The following CNKSR3 variants were observed in gnomAD, a reference collection of about 807,000 sequenced individuals.
CNKSR3 encodes connector enhancer of kinase suppressor of ras 3.
In CNKSR3, 36 loss-of-function variants were observed where a neutral mutation model predicts 67.7. The observed-to-expected ratio is 0.53, with a 90% CI of 0.41 to 0.70. The LOEUF (loss-of-function observed/expected upper bound fraction) is 0.70, where lower values mean the gene tolerates loss of function less well. Ranked by LOEUF, CNKSR3 falls within the 30% of genes least tolerant of loss-of-function variation. The probability of loss-of-function intolerance (pLI) is 0.00; values close to 1 mark genes in which losing one functional copy is unlikely to be tolerated. For missense variants in CNKSR3, 630 were observed against 695.2 expected (o/e 0.91, Z 1.05); for synonymous variants, 281 against 271.4 (o/e 1.04, Z -0.35).
At chr6:154,454,903 G>A (rs1363711597) in intron 1 of CNKSR3, among the ~76,000 whole-genome samples, 1 of 152,052 alleles carries the variant, frequency 6.6e-6, no homozygotes, top group African/African-American at 2.4e-5. Context: ...ATGCTTAGAT[G>A]GCTATGTTAT....
intron 4 of CNKSR3, among the ~76,000 whole-genome samples, chr6:154,440,283 G>A (rs1429747852): frequency 1.3e-5 from 2 of 152,120 alleles, no homozygotes; most frequent in Non-Finnish European, 2.9e-5. Flanking sequence ...TCTCTGTTAT[G>A]GCATGGTCAG....
At chr6:154,443,200 C>T (rs1309421483) in intron 2 of CNKSR3, among the ~76,000 whole-genome samples, 2 of 152,074 alleles carry the variant, frequency 1.3e-5, no homozygotes, top group Non-Finnish European at 2.9e-5. Flanking sequence ...GCCTGGCCGA[C>T]GGCTCATTCT....
rs546012892 is a variant in CNKSR3 at position 154,420,299 on chromosome 6, G to C, written c.945+2207C>G. On this transcript the variant is annotated intron_variant, in intron 9 of 12. Coordinates refer to ENST00000607772, the MANE Select transcript of CNKSR3 (RefSeq NM_173515.4). Reference sequence around the variant, plus strand: ...GGCTGCCAGAGGTTAGAAGGAAGGGGATTGGGGAATCCTGGTCAAAGGGTA... The same window carrying C: ...GGCTGCCAGAGGTTAGAAGGAAGGGCATTGGGGAATCCTGGTCAAAGGGTA... 5.7e-4 allele frequency among the ~76,000 whole-genome samples: 86 copies of C among 152,090 alleles called. 1 individual carries two copies. Among genetic ancestry groups the C allele is most frequent in the Admixed American group, 2.3e-3 (35 of 15,276 alleles).
At chr6:154,424,844 C>T (rs1486907375) in intron 7 of CNKSR3, among the ~76,000 whole-genome samples, 3 of 152,078 alleles carry the variant, frequency 2.0e-5, no homozygotes, top group African/African-American at 7.2e-5. Flanking sequence ...TGATCTCAGC[C>T]CACTGTAACC....
At chr6:154,480,390 G>T (rs1041096426) in intron 1 of CNKSR3, among the ~76,000 whole-genome samples, 7 of 152,140 alleles carry the variant, frequency 4.6e-5, no homozygotes, top group African/African-American at 1.7e-4. Context: ...ATTTTACTTT[G>T]CCCCAGACTG....
chr6:154,442,255 C>G lies in CNKSR3; in HGVS notation c.252G>C (p.Leu84Phe), dbSNP rs774762963. ...YGLETDNMKN[L>F]VLKLRASSHN... ...GGGAAGATGCTCTCAGTTTCAGAAC[C>G]AAGTTCTTCATGTTATCAGTTTCGA... The change falls in exon 3 of 13, where the codon TTG becomes TTC. Residue 84 changes from leucine (L) to phenylalanine (F), a missense_variant. Physicochemically the swap from Leu to Phe is conservative, Grantham distance 22. Transcript: ENST00000607772. 4 of 1,614,030 alleles carry G rather than the reference C, an allele frequency of 2.5e-6. No individual in the cohort carries two copies. The highest frequency in any genetic ancestry group is 1.7e-5 in the Admixed American group (1 of 60,024).
intron 1 of CNKSR3, among the ~76,000 whole-genome samples, chr6:154,503,069 T>A (rs974628035): frequency 6.6e-6 from 1 of 152,112 alleles, no homozygotes; most frequent in Admixed American, 6.6e-5. Flanking sequence ...TTGTGCCAAG[T>A]TTTTAGAACT....
rs1264190461 is a variant in CNKSR3 at position 154,400,605 on chromosome 6, T to C, written c.*5749A>G. On this transcript the variant is annotated 3_prime_UTR_variant, in exon 13 of 13. Coordinates refer to ENST00000607772, the MANE Select transcript of CNKSR3 (RefSeq NM_173515.4). ...CAAATCAGTAGGCCATAGGCCATTA[T>C]TTAAGACAAACTTTTGAGTATAAAA... The C allele has an allele frequency of 1.3e-5, 2 of 152,224 alleles. No homozygotes were observed. The highest frequency in any genetic ancestry group is 2.9e-5 in the Non-Finnish European group (2 of 68,034). The allele number at this position is 152,224 out of a possible 1,614,324, so 9.4% of individuals were successfully genotyped here.
intron 7 of CNKSR3, among the ~76,000 whole-genome samples, chr6:154,425,014 C>T (rs971443244): frequency 2.0e-5 from 3 of 152,176 alleles, no homozygotes; most frequent in South Asian, 2.1e-4. Context: ...TCAGGTAATC[C>T]GCCCGCCTTG....
intron 1 of CNKSR3, among the ~76,000 whole-genome samples, chr6:154,456,385 C>T (rs1785954379): frequency 6.6e-6 from 1 of 151,664 alleles, no homozygotes; most frequent in South Asian, 2.1e-4. Flanking sequence ...TCTCATCTCA[C>T]TCAAGACTTT....
At chr6:154,420,461 G>A (rs1489395806) in intron 9 of CNKSR3, among the ~76,000 whole-genome samples, 8 of 151,754 alleles carry the variant, frequency 5.3e-5, no homozygotes, top group Admixed American at 2.0e-4. Flanking sequence ...AGGCCGAGGC[G>A]GGCGGATCAC....
In CNKSR3 at chr6:154,410,358, C is replaced by A; in HGVS notation, c.1354G>T (p.Gly452Cys). Reference protein sequence around the residue: ...GIVDPFARPRGHGRKGEDALC... With the variant: ...GIVDPFARPRCHGRKGEDALC... ...TGAAACGTACCTTTCCTGCCATGAC[C>A]TCGAGGTCTGGCAAAAGGGTCCACA... Residue 452 changes from glycine to cysteine, a missense_variant, in exon 12 of 13, where the codon GGT becomes TGT. Gly to Cys is a radical substitution (Grantham distance 159, BLOSUM62 -3). Coordinates refer to ENST00000607772, the MANE Select transcript of CNKSR3 (RefSeq NM_173515.4). The A allele has an allele frequency of 6.2e-7, 1 of 1,613,882 alleles. No homozygotes were observed. Among genetic ancestry groups the A allele is most frequent in the Non-Finnish European group, 8.5e-7 (1 of 1,179,818 alleles).
chr6:154,392,673 T>C lies in CNKSR3; in HGVS notation c.*13681A>G, dbSNP rs1370031601. The C allele has an allele frequency of 6.6e-6, 1 of 152,266 alleles. No individual in the cohort carries two copies. Among genetic ancestry groups the C allele is most frequent in the South Asian group, 2.1e-4 (1 of 4,830 alleles). The allele number at this position is 152,266 out of a possible 1,614,324, so 9.4% of individuals were successfully genotyped here. A position where few individuals can be genotyped will look rare whatever the true frequency, so the allele number is the denominator to read the frequency against. On this transcript the variant is annotated 3_prime_UTR_variant, in exon 13 of 13. Transcript: ENST00000607772. ...TTTGCAGCTAGGCAACACTGCAAAC[T>C]AGCAGCAGGATTTGCTTCATTAGCA...
chr6:154,464,738 A>G (rs941858552), intron 1 of CNKSR3, among the ~76,000 whole-genome samples: 5 of 151,900 alleles, frequency 3.3e-5, no homozygotes, highest in Admixed American at 1.3e-4. Flanking sequence ...GAAAAAGAAA[A>G]AAGAAAAAAA....
rs368097129 is a variant in CNKSR3, at chr6:154,454,082, A to AAC, written c.53-3826_53-3825dup. On this transcript the variant is annotated intron_variant, in intron 1 of 12. Coordinates refer to ENST00000607772, the MANE Select transcript of CNKSR3 (RefSeq NM_173515.4). ...AAGGAAATCCCAAATGCAAGATGAA[A>AAC]ACACACACACACACACACACACAGA... Among the ~76,000 whole-genome samples, 739 of 78,164 alleles carry AAC rather than the reference A, an allele frequency of 9.5e-3. 22 individuals are homozygous for AAC. Among genetic ancestry groups the AAC allele is most frequent in the African/African-American group, 0.024 (430 of 17,866 alleles). 51.3% of individuals were successfully genotyped at this position (78,164 alleles called of 152,430 possible).
At chr6:154,509,873 G>C (rs1787179201) in intron 1 of CNKSR3, among the ~76,000 whole-genome samples, 190 bp downstream of exon 1, 1 of 152,194 alleles carries the variant, frequency 6.6e-6, no homozygotes. Flanking sequence ...CCGCACCCTG[G>C]AAAGGAAGAG....
In CNKSR3 at chr6:154,510,218, C is replaced by A; in HGVS notation, c.-104G>T. 7.2e-7 allele frequency: 1 copy of A among 1,382,692 alleles called. No homozygotes were observed. The highest frequency in any genetic ancestry group is 1.2e-5 in the South Asian group (1 of 83,724). The allele number at this position is 1,382,692 out of a possible 1,614,324, so 85.7% of individuals were successfully genotyped here. On this transcript the variant is annotated 5_prime_UTR_variant, in exon 1 of 13. The change creates a new upstream start codon in the 5' untranslated region. Transcript: ENST00000607772. The stretch of plus-strand genomic sequence containing the variant: ...GGAGGGCGCGCCCGCGGCTGCTCCC[C>A]TGCGCCCGAGCGACTCCGTCAAGAC...
intron 1 of CNKSR3, among the ~76,000 whole-genome samples, chr6:154,504,580 T>C (rs192787237): frequency 9.9e-5 from 15 of 152,270 alleles, no homozygotes; most frequent in African/African-American, 3.6e-4. Context: ...AGTGACAAAG[T>C]GATGGAGTAC....
intron 1 of CNKSR3, among the ~76,000 whole-genome samples, chr6:154,497,049 C>T (rs1786893552): frequency 6.6e-6 from 1 of 152,070 alleles, no homozygotes; most frequent in South Asian, 2.1e-4. Context: ...TGAGATAATG[C>T]ATGGGAAGCC....
Sources: allele counts gnomAD v4.1 joint callset (sites outside exome capture counted in the v4.1 genomes callset), GRCh38; gene constraint gnomAD v4.1.1; transcripts MANE v1.5; gene names NCBI Gene and HGNC (gene_info 2026-07-23, HGNC 2026-07-21).